Variants in NBEA observed in about 807,000 individuals in gnomAD.
NBEA encodes neurobeachin.
Under a neutral mutation model 343.4 loss-of-function variants are expected in NBEA, and 44 were observed. That is an observed-to-expected ratio of 0.13 (90% CI 0.10 to 0.16). The LOEUF (loss-of-function observed/expected upper bound fraction) is 0.16, where lower values mean the gene tolerates loss of function less well. NBEA is among the 10% of genes least tolerant of loss of function. The pLI is 1.00. For synonymous variants in NBEA, 1,175 were observed against 1,238.7 expected (o/e 0.95, Z 1.08); for missense variants, 2,555 against 3,631.3 (o/e 0.70, Z 7.62).
intron 38 of NBEA, among the ~76,000 whole-genome samples, chr13:35,415,211 G>T (rs999373655): frequency 3.3e-4 from 50 of 152,070 alleles, no homozygotes; most frequent in African/African-American, 1.1e-3. Flanking sequence ...GTAGTTTCTT[G>T]TGCTGTGCAG....
chr13:35,376,378 G>A (rs895728513), intron 38 of NBEA, among the ~76,000 whole-genome samples: 6 of 148,476 alleles, frequency 4.0e-5, no homozygotes, highest in South Asian at 2.1e-4. Context: ...TATAGTTTAA[G>A]GGTCTGTAAA....
At chr13:35,613,878 G>A (rs1177639582) in intron 48 of NBEA, among the ~76,000 whole-genome samples, 1 of 152,174 alleles carries the variant, frequency 6.6e-6, no homozygotes, top group Non-Finnish European at 1.5e-5. Context: ...TGGGATTACA[G>A]GCATGAGCCA....
chr13:35,652,915 C>A (rs1162061385), intron 53 of NBEA, among the ~76,000 whole-genome samples: 1 of 150,660 alleles, frequency 6.6e-6, no homozygotes, highest in Non-Finnish European at 1.5e-5. Flanking sequence ...AGGATGGTCT[C>A]GATCTCCTGA....
intron 36 of NBEA, among the ~76,000 whole-genome samples, chr13:35,327,833 G>T (rs1359732943): frequency 6.6e-6 from 1 of 151,708 alleles, no homozygotes; most frequent in African/African-American, 2.4e-5. Context: ...TCAACAGACT[G>T]CAAAAGAGAA....
intron 14 of NBEA, 44 bp downstream of exon 14, chr13:35,117,537 G>A: frequency 1.0e-6 from 1 of 962,106 alleles, no homozygotes; most frequent in Non-Finnish European, 1.4e-6. Flanking sequence ...ATATTAGGTA[G>A]AAAGGAATTT....
chr13:35,569,657 C>T (rs995526745), intron 45 of NBEA, among the ~76,000 whole-genome samples: 2 of 152,112 alleles, frequency 1.3e-5, no homozygotes, highest in African/African-American at 2.4e-5. Context: ...ATAAAGCAGA[C>T]ATACTCCCAG....
At position 35,159,158 on chromosome 13, in the gene NBEA, G is replaced by A; in HGVS notation, c.2987G>A (p.Gly996Asp). The A allele has an allele frequency of 6.2e-7, 1 of 1,613,558 alleles. No individual in the cohort carries two copies. The highest frequency in any genetic ancestry group is 8.5e-7 in the Non-Finnish European group (1 of 1,179,634). Reference sequence around the variant, plus strand: ...TCATCACAGACAACAGGAGCAAAAGGTGGAATGGAAATTCGAGAGATAGAA... The same window carrying A: ...TCATCACAGACAACAGGAGCAAAAGATGGAATGGAAATTCGAGAGATAGAA... ...GLSSQTTGAK[G>D]GMEIREIEDL... The change falls in exon 22 of 59, where the codon GGT becomes GAT. Residue 996 changes from glycine (G) to aspartate (D), a missense_variant. By Grantham distance (94) the Gly-to-Asp change is moderately conservative (BLOSUM62 -1). Transcript: ENST00000379939.
chr13:35,221,470 C>T (rs893775289), intron 33 of NBEA, among the ~76,000 whole-genome samples: 4 of 151,932 alleles, frequency 2.6e-5, no homozygotes, highest in Admixed American at 6.6e-5. Flanking sequence ...TCAGAGCTAC[C>T]TCTGTCATCT....
intron 10 of NBEA, among the ~76,000 whole-genome samples, chr13:35,075,114 G>A (rs1400679577): frequency 6.6e-6 from 1 of 152,050 alleles, no homozygotes; most frequent in African/African-American, 2.4e-5. Context: ...AGACATAAGT[G>A]GCAGAACCAG....
At chr13:35,669,627 G>A (rs2085511272) in intron 58 of NBEA, among the ~76,000 whole-genome samples, 1 of 152,146 alleles carries the variant, frequency 6.6e-6, no homozygotes, top group South Asian at 2.1e-4. Context: ...GTTACTATTT[G>A]TATATATGTG....
chr13:35,239,079 G>A (rs2075367528), intron 34 of NBEA, among the ~76,000 whole-genome samples: 2 of 152,008 alleles, frequency 1.3e-5, no homozygotes, highest in East Asian at 3.9e-4. Context: ...ACAAAAAAAT[G>A]TACACAAGAA....
At chr13:35,020,646 T>G (rs2061805887) in intron 1 of NBEA, among the ~76,000 whole-genome samples, 1 of 152,128 alleles carries the variant, frequency 6.6e-6, no homozygotes, top group African/African-American at 2.4e-5. Flanking sequence ...AGCCTCCGAG[T>G]AGCTTGGACT....
intron 49 of NBEA, 99 bp from the exon 50 acceptor site, chr13:35,645,770 G>A: frequency 1.7e-6 from 1 of 579,542 alleles, no homozygotes; most frequent in Non-Finnish European, 2.9e-6. Flanking sequence ...TGTTCTTTCT[G>A]CTGATCACCC....
At chr13:34,955,742 T>C (rs552024239) in intron 1 of NBEA, among the ~76,000 whole-genome samples, 9 of 152,314 alleles carry the variant, frequency 5.9e-5, no homozygotes, top group African/African-American at 2.2e-4. Context: ...CATTCATATC[T>C]TTCAGTTAGG....
intron 10 of NBEA, among the ~76,000 whole-genome samples, chr13:35,096,798 A>C (rs2065354592): frequency 6.6e-6 from 1 of 151,910 alleles, no homozygotes; most frequent in African/African-American, 2.4e-5. Flanking sequence ...GGCCTTGACT[A>C]TTCAATTCAT....
At chr13:35,153,033 G>GTT (rs1832367175) in intron 18 of NBEA, among the ~76,000 whole-genome samples, 1 of 139,698 alleles carries the variant, frequency 7.2e-6, no homozygotes, top group Non-Finnish European at 1.6e-5. Context: ...ACTTACATAG[G>GTT]TTCTTTTTTT....
chr13:35,234,137 G>A (rs2075111159), intron 34 of NBEA, among the ~76,000 whole-genome samples: 1 of 152,120 alleles, frequency 6.6e-6, no homozygotes, highest in African/African-American at 2.4e-5. Context: ...TAGGGCCAGA[G>A]AGGTAATGGG....
chr13:35,167,514 A>G (rs890911438), intron 24 of NBEA, among the ~76,000 whole-genome samples: 2 of 151,964 alleles, frequency 1.3e-5, no homozygotes, highest in African/African-American at 4.8e-5. Context: ...AAGAAGCAGC[A>G]CTTTATGGGA....
chr13:35,358,888 G>A (rs941674574), intron 38 of NBEA, among the ~76,000 whole-genome samples: 9 of 152,108 alleles, frequency 5.9e-5, no homozygotes, highest in African/African-American at 1.9e-4. Flanking sequence ...TGAGTAGCGC[G>A]TCTTTAGCAA....
Sources: allele counts gnomAD v4.1 joint callset (sites outside exome capture counted in the v4.1 genomes callset), GRCh38; gene constraint gnomAD v4.1.1; transcripts MANE v1.5; gene names NCBI Gene and HGNC (gene_info 2026-07-23, HGNC 2026-07-21).